The following CFAP73 variants were observed in gnomAD, a reference collection of about 807,000 sequenced individuals.
CFAP73 encodes cilia and flagella associated protein 73, also known as cilia- and flagella-associated protein 73.
In CFAP73, 33 loss-of-function variants were observed where a neutral mutation model predicts 42.9. The ratio of observed to expected loss-of-function variants is 0.77; its 90% CI spans 0.58 to 1.03. CFAP73 has a LOEUF of 1.03. Among genes scored for constraint, CFAP73 ranks in the 50% least tolerant of loss-of-function variants. The pLI, the probability that CFAP73 is intolerant of heterozygous loss-of-function variation, is 0.00. For missense variants in CFAP73, 392 were observed against 411.9 expected (o/e 0.95, Z 0.42); for synonymous variants, 162 against 186.8 (o/e 0.87, Z 1.08).
chr12:113,158,024 TGA>T lies in CFAP73; in HGVS notation c.*11+339_*11+340del, dbSNP rs1483744892. The T allele has an allele frequency of 1.1e-5, 3 of 277,674 alleles. No homozygotes were observed. The highest frequency in any genetic ancestry group is 2.1e-5 in the African/African-American group (1 of 46,748). 17.2% of individuals were successfully genotyped at this position (277,674 alleles called of 1,614,324 possible). ...GTCTCAGAACAGGGTCCATGCTAGATGAGAGATCACCAAGGCCCCCTCCACTA... is the reference window on the plus strand; with the variant it reads ...GTCTCAGAACAGGGTCCATGCTAGATGAGATCACCAAGGCCCCCTCCACTA... On this transcript the variant is annotated intron_variant, in intron 7 of 7. Coordinates refer to ENST00000335621, the MANE Select transcript of CFAP73 (RefSeq NM_001144872.3). This position sits in a 1 kb window ranked among gnomAD's most constrained non-coding sequence, Gnocchi z 4.9.
chr12:113,159,096 G>T lies in CFAP73; in HGVS notation c.*407G>T. The T allele has an allele frequency of 6.3e-7, 1 of 1,599,290 alleles. No homozygotes were observed. Among genetic ancestry groups the T allele is most frequent in the Non-Finnish European group, 8.5e-7 (1 of 1,173,934 alleles). On this transcript the variant is annotated 3_prime_UTR_variant, in exon 8 of 8. Coordinates refer to ENST00000335621, the MANE Select transcript of CFAP73 (RefSeq NM_001144872.3). Reference sequence around the variant, plus strand: ...GGCCTGCAGGGGTGCCTGGGGCGTGGGGCCGGGATGCACCTGCTGGGACAG... The same window carrying T: ...GGCCTGCAGGGGTGCCTGGGGCGTGTGGCCGGGATGCACCTGCTGGGACAG...
In CFAP73 at chr12:113,155,419, G is replaced by T. The variant is rs139721768; in HGVS notation, c.849+1G>T. The T allele has an allele frequency of 2.1e-4, 320 of 1,542,460 alleles. No individual in the cohort carries two copies. Among genetic ancestry groups the T allele is most frequent in the Non-Finnish European group, 2.7e-4 (308 of 1,141,110 alleles). On this transcript the variant is annotated splice_donor_variant, in intron 6 of 7. Coordinates refer to ENST00000335621, the MANE Select transcript of CFAP73 (RefSeq NM_001144872.3). LOFTEE classifies it high-confidence loss of function. ...GGACACGGAGGGACAGCTAGAGCAC[G>T]TGAGGACCCCTCTTTATGGCACCTC... is the stretch of plus-strand genomic sequence containing the variant.
rs1036375311 is a variant in CFAP73 at position 113,154,595 on chromosome 12, A to T, written c.650A>T (p.Gln217Leu). Reference sequence around the variant, plus strand: ...CAGGGCCAGCGGCGGGCACAGCTGCAGGAGCGCCTGGAGGCTGCCAGGGAG... The same window carrying T: ...CAGGGCCAGCGGCGGGCACAGCTGCTGGAGCGCCTGGAGGCTGCCAGGGAG... ...LAQGQRRAQL[Q>L]ERLEAARERT... is the part of the protein sequence containing the mutation. Residue 217 changes from glutamine to leucine, a missense_variant, in exon 5 of 8, where the codon CAG becomes CTG. By Grantham distance (113) the Gln-to-Leu change is moderately radical. Coordinates refer to ENST00000335621, the MANE Select transcript of CFAP73 (RefSeq NM_001144872.3). This position sits in a 1 kb window ranked among gnomAD's most constrained non-coding sequence, Gnocchi z 4.7. 2.0e-5 allele frequency: 28 copies of T among 1,419,814 alleles called. No individual in the cohort carries two copies. The South Asian group carries it at 4.3e-4, about 22-fold the overall frequency. The allele number at this position is 1,419,814 out of a possible 1,614,324, so 88.0% of individuals were successfully genotyped here. A position where few individuals can be genotyped will look rare whatever the true frequency, so the allele number is the denominator to read the frequency against.
intron 1 of CFAP73, 92 bp from the exon 2 acceptor site, chr12:113,151,825 AG>A (rs1952064707): frequency 1.3e-6 from 1 of 744,576 alleles, no homozygotes; most frequent in East Asian, 2.9e-5. Context: ...AACAGCCAGC[AG>A]GTGGCTAATG....
At chr12:113,151,584 C>T (rs192429955) in intron 1 of CFAP73, among the ~76,000 whole-genome samples, 19 of 152,146 alleles carry the variant, frequency 1.2e-4, no homozygotes, top group Middle Eastern at 3.4e-3. Flanking sequence ...CTTGAGTCCA[C>T]GAGTTCAAGA....
rs1277893892 is a variant in CFAP73 at position 113,159,094 on chromosome 12, T to G, written c.*405T>G. 6.2e-7 allele frequency: 1 copy of G among 1,601,050 alleles called. No homozygotes were observed. On this transcript the variant is annotated 3_prime_UTR_variant, in exon 8 of 8. Coordinates refer to ENST00000335621, the MANE Select transcript of CFAP73 (RefSeq NM_001144872.3). ...TCGGCCTGCAGGGGTGCCTGGGGCGTGGGGCCGGGATGCACCTGCTGGGAC... is the reference window on the plus strand; with the variant it reads ...TCGGCCTGCAGGGGTGCCTGGGGCGGGGGGCCGGGATGCACCTGCTGGGAC...
rs958420938 is a variant in CFAP73, at chr12:113,158,650, G to A, written c.*12-51G>A. On this transcript the variant is annotated intron_variant, in intron 7 of 7. Coordinates refer to ENST00000335621, the MANE Select transcript of CFAP73 (RefSeq NM_001144872.3). This position sits in a 1 kb window ranked among gnomAD's most constrained non-coding sequence, Gnocchi z 4.9. ...AAGTCTTGGCCTGCCTGGCTTTGCT[G>A]GCGAACTCCTGCACACCCTTCAAGG... 22 of 508,930 alleles carry A rather than the reference G, an allele frequency of 4.3e-5. No individual in the cohort carries two copies. The highest frequency in any genetic ancestry group is 7.3e-5 in the Non-Finnish European group (22 of 300,166). The allele number at this position is 508,930 out of a possible 1,614,324, so 31.5% of individuals were successfully genotyped here.
rs1952101260 is a variant in CFAP73 at position 113,154,729 on chromosome 12, A to G, written c.690+94A>G. The G allele has an allele frequency of 7.3e-7, 1 of 1,360,708 alleles. No homozygotes were observed. The highest frequency in any genetic ancestry group is 9.4e-7 in the Non-Finnish European group (1 of 1,064,536). 84.3% of individuals were successfully genotyped at this position (1,360,708 alleles called of 1,614,324 possible). A position where few individuals can be genotyped will look rare whatever the true frequency, so the allele number is the denominator to read the frequency against. On this transcript the variant is annotated intron_variant, in intron 5 of 7. Coordinates refer to ENST00000335621, the MANE Select transcript of CFAP73 (RefSeq NM_001144872.3). This position sits in a 1 kb window ranked among gnomAD's most constrained non-coding sequence, Gnocchi z 4.7. Reference sequence around the variant, plus strand: ...AGGGCTGATGAGGACCGATGGGGCAATGCTTACCCCAGAGGGTCCGCTGCA... The same window carrying G: ...AGGGCTGATGAGGACCGATGGGGCAGTGCTTACCCCAGAGGGTCCGCTGCA...
At chr12:113,156,117 A>T (rs780434506) in intron 6 of CFAP73, among the ~76,000 whole-genome samples, 1 of 151,972 alleles carries the variant, frequency 6.6e-6, no homozygotes, top group Non-Finnish European at 1.5e-5. Context: ...CTAGGGTTTC[A>T]CCAGGTTGGC....
Position 113,152,003 on chromosome 12 carries a change from G to A in CFAP73, c.142G>A (p.Ala48Thr). Residue 48 changes from alanine (A) to threonine (T), a missense_variant, in exon 2 of 8, where the codon GCC becomes ACC. Transcript: ENST00000335621. The stretch of plus-strand genomic sequence containing the variant: ...GCAAGAGCTGGTAGATGCAGACCAG[G>A]CCCTGCAGGCCCAGAAGGAGGTGAG... Reference protein sequence around the residue: ...KRQELVDADQALQAQKEVFRT... With the variant: ...KRQELVDADQTLQAQKEVFRT... 6.4e-7 allele frequency: 1 copy of A among 1,551,402 alleles called. No homozygotes were observed. The highest frequency in any genetic ancestry group is 8.7e-7 in the Non-Finnish European group (1 of 1,146,856).
In CFAP73 at chr12:113,153,394, G is replaced by T; in HGVS notation, c.454G>T (p.Glu152Ter). Residue 152 changes from glutamate (E) to a stop codon, truncating the protein, a stop_gained, in exon 4 of 8, where the codon GAG becomes TAG. Transcript: ENST00000335621. LOFTEE classifies it high-confidence loss of function. ...PCARLLEQAL[E>*]LLPGFQEVPE... ...CGCGCGCCTGCTGGAGCAAGCGCTGGAGCTGCTGCCCGGGGTGAGTCCGGG... is the reference window on the plus strand; with the variant it reads ...CGCGCGCCTGCTGGAGCAAGCGCTGTAGCTGCTGCCCGGGGTGAGTCCGGG... 1 of 1,446,828 alleles carries T rather than the reference G, an allele frequency of 6.9e-7. No individual in the cohort carries two copies. Among genetic ancestry groups the T allele is most frequent in the Non-Finnish European group, 9.0e-7 (1 of 1,106,530 alleles). The allele number at this position is 1,446,828 out of a possible 1,614,324, so 89.6% of individuals were successfully genotyped here.
chr12:113,158,772 G>C lies in CFAP73; in HGVS notation c.*83G>C, dbSNP rs1952167001. 1 of 1,239,590 alleles carries C rather than the reference G, an allele frequency of 8.1e-7. No individual in the cohort carries two copies. The highest frequency in any genetic ancestry group is 1.1e-6 in the Non-Finnish European group (1 of 904,816). The allele number at this position is 1,239,590 out of a possible 1,614,324, so 76.8% of individuals were successfully genotyped here. A position where few individuals can be genotyped will look rare whatever the true frequency, so the allele number is the denominator to read the frequency against. ...ACAGATGATGGCTCCTGCAGGGAGT[G>C]CCCCCAGTGCCCAGCACAGGGCCAG... On this transcript the variant is annotated 3_prime_UTR_variant, in exon 8 of 8. Transcript: ENST00000335621. This position sits in a 1 kb window ranked among gnomAD's most constrained non-coding sequence, Gnocchi z 4.9.
chr12:113,155,721 G>T (rs1592991759), intron 6 of CFAP73, among the ~76,000 whole-genome samples: 1 of 152,224 alleles, frequency 6.6e-6, no homozygotes, highest in East Asian at 1.9e-4. Context: ...TACCAGGAAG[G>T]CCAGGGTTTG....
intron 3 of CFAP73, 108 bp downstream of exon 3, chr12:113,152,995 A>G: frequency 1.1e-6 from 1 of 909,372 alleles, no homozygotes; most frequent in South Asian, 1.6e-5. Flanking sequence ...CGTCATGCAA[A>G]AGGAAACGGC....
At position 113,155,291 on chromosome 12, in the gene CFAP73, C is replaced by A; in HGVS notation, c.722C>A (p.Ala241Glu). The change falls in exon 6 of 8, where the codon GCA (alanine) becomes GAA (glutamate). Residue 241 changes from alanine (A) to glutamate (E), a missense_variant. Ala to Glu is a moderately radical substitution (Grantham distance 107). Coordinates refer to ENST00000335621, the MANE Select transcript of CFAP73 (RefSeq NM_001144872.3). ...ESKWIQIQNT[A>E]AEKTLLLGRS... Reference sequence around the variant, plus strand: ...AAGTGGATTCAGATTCAGAACACAGCAGCGGAGAAGACTCTGCTCCTGGGA... The same window carrying A: ...AAGTGGATTCAGATTCAGAACACAGAAGCGGAGAAGACTCTGCTCCTGGGA... 1 of 1,548,774 alleles carries A rather than the reference C, an allele frequency of 6.5e-7. No individual in the cohort carries two copies. Among genetic ancestry groups the A allele is most frequent in the Non-Finnish European group, 8.7e-7 (1 of 1,144,830 alleles).
chr12:113,154,645 G>A lies in CFAP73; in HGVS notation c.690+10G>A. 6 of 1,388,532 alleles carry A rather than the reference G, an allele frequency of 4.3e-6. No homozygotes were observed. Among genetic ancestry groups the A allele is most frequent in the Non-Finnish European group, 3.7e-6 (4 of 1,080,884 alleles). 86.0% of individuals were successfully genotyped at this position (1,388,532 alleles called of 1,614,324 possible). A position where few individuals can be genotyped will look rare whatever the true frequency, so the allele number is the denominator to read the frequency against. On this transcript the variant is annotated intron_variant, in intron 5 of 7. Transcript: ENST00000335621. This position sits in a 1 kb window ranked among gnomAD's most constrained non-coding sequence, Gnocchi z 4.7. Reference sequence around the variant, plus strand: ...GCGTACGCTGCAGTGGGTACGACCCGCCCTAGGTGGGGGGCGCTCCGGACC... The same window carrying A: ...GCGTACGCTGCAGTGGGTACGACCCACCCTAGGTGGGGGGCGCTCCGGACC...
chr12:113,154,349 A>T lies in CFAP73; in HGVS notation c.469-65A>T. On this transcript the variant is annotated intron_variant, in intron 4 of 7. Transcript: ENST00000335621. This position sits in a 1 kb window ranked among gnomAD's most constrained non-coding sequence, Gnocchi z 4.7. Reference sequence around the variant, plus strand: ...CCAATAATAAGGAACGCTGGCGGCCAGGTGGGATGGAGAGGGTAAGGCACT... The same window carrying T: ...CCAATAATAAGGAACGCTGGCGGCCTGGTGGGATGGAGAGGGTAAGGCACT... 1 of 1,507,592 alleles carries T rather than the reference A, an allele frequency of 6.6e-7. No individual in the cohort carries two copies. Among genetic ancestry groups the T allele is most frequent in the Non-Finnish European group, 9.0e-7 (1 of 1,113,396 alleles). 93.4% of individuals were successfully genotyped at this position (1,507,592 alleles called of 1,614,324 possible).
At chr12:113,153,105 C>A (rs1278181718) in intron 3 of CFAP73, 103 bp from the exon 4 acceptor site, 1 of 1,272,428 alleles carries the variant, frequency 7.9e-7, no homozygotes, top group Non-Finnish European at 1.0e-6. Flanking sequence ...GCCTGCTGGC[C>A]GCCCCTGGTT....
Position 113,154,708 on chromosome 12 carries a change from C to T in CFAP73, c.690+73C>T. On this transcript the variant is annotated intron_variant, in intron 5 of 7. Coordinates refer to ENST00000335621, the MANE Select transcript of CFAP73 (RefSeq NM_001144872.3). This position sits in a 1 kb window ranked among gnomAD's most constrained non-coding sequence, Gnocchi z 4.7. ...AGCCGGGCGGGGAGGAACGCCAGGG[C>T]TGATGAGGACCGATGGGGCAATGCT... The T allele has an allele frequency of 7.3e-7, 1 of 1,373,200 alleles. No individual in the cohort carries two copies. The highest frequency in any genetic ancestry group is 9.3e-7 in the Non-Finnish European group (1 of 1,071,908). The allele number at this position is 1,373,200 out of a possible 1,614,324, so 85.1% of individuals were successfully genotyped here.
Sources: gnomAD v4.1 joint callset for allele counts (sites outside exome capture counted in the v4.1 genomes callset) on GRCh38, gnomAD v4.1.1 for gene constraint, Gnocchi (gnomAD v3.1) non-coding constraint, MANE v1.5 for transcripts, NCBI Gene and HGNC (gene_info 2026-07-23, HGNC 2026-07-21) for gene names.